MCF2L: variants seen among roughly 807,000 people sequenced by gnomAD.
MCF2L encodes the protein guanine nucleotide exchange factor DBS.
Under a neutral mutation model 153.4 loss-of-function variants are expected in MCF2L, and 97 were observed. That is an observed-to-expected ratio of 0.63 (90% CI 0.54 to 0.75). The LOEUF is 0.75. Ranked by LOEUF, MCF2L falls within the 30% of genes least tolerant of loss-of-function variation. The probability of loss-of-function intolerance (pLI) is 0.00; values close to 1 mark genes in which losing one functional copy is unlikely to be tolerated. For synonymous variants in MCF2L, 659 were observed against 632.2 expected (o/e 1.04, Z -0.64); for missense variants, 1,347 against 1,495.2 (o/e 0.90, Z 1.64).
chr13:113,078,777 C>A, intron 15 of MCF2L, 38 bp downstream of exon 15: 1 of 1,547,298 alleles, frequency 6.5e-7, no homozygotes, highest in Non-Finnish European at 8.7e-7. Flanking sequence ...AGGGGCCCTC[C>A]GACCGCAGCC....
intron 27 of MCF2L, 184 bp from the exon 28 acceptor site, chr13:113,096,187 G>C (rs2142149561): frequency 5.0e-6 from 3 of 605,310 alleles, no homozygotes; most frequent in Middle Eastern, 8.9e-4. Flanking sequence ...TTCCATCGCC[G>C]CTGCGGTAGT....
intron 8 of MCF2L, among the ~76,000 whole-genome samples, chr13:113,069,850 G>T (rs984044474): frequency 2.0e-5 from 3 of 152,226 alleles, no homozygotes; most frequent in Non-Finnish European, 4.4e-5. Context: ...AGCCCCTGAT[G>T]CTTTCTCCAG....
intron 1 of MCF2L, among the ~76,000 whole-genome samples, chr13:113,005,951 A>C (rs1173113752): frequency 6.6e-6 from 1 of 152,256 alleles, no homozygotes; most frequent in Non-Finnish European, 1.5e-5. Context: ...CACCCTGCAC[A>C]GTGAACAGAG....
intron 5 of MCF2L, among the ~76,000 whole-genome samples, chr13:113,063,599 CA>C (rs1471827243): frequency 6.6e-6 from 1 of 152,184 alleles, no homozygotes; most frequent in Non-Finnish European, 1.5e-5. Flanking sequence ...GACGGGACCA[CA>C]AAATGGGTCT....
chr13:113,074,429 C>T lies in MCF2L; in HGVS notation c.997-15C>T. ...AGGGAGACACCCCCCTGAGATGGGC[C>T]CTCCTCTGTTCCAGGTCAAAGCCAT... On this transcript the variant is annotated splice_polypyrimidine_tract_variant and intron_variant, in intron 9 of 29. Coordinates refer to ENST00000535094, the MANE Select transcript of MCF2L (RefSeq NM_001112732.3). This position sits in a 1 kb window ranked among gnomAD's most constrained non-coding sequence, Gnocchi z 4.2. 1 of 1,608,906 alleles carries T rather than the reference C, an allele frequency of 6.2e-7. No individual in the cohort carries two copies. The highest frequency in any genetic ancestry group is 8.5e-7 in the Non-Finnish European group (1 of 1,175,732).
chr13:112,992,248 A>T (rs1286136548), intron 1 of MCF2L, among the ~76,000 whole-genome samples: 1 of 152,248 alleles, frequency 6.6e-6, no homozygotes, highest in Non-Finnish European at 1.5e-5. Flanking sequence ...AAACTCTGAA[A>T]AAAATCCAAA....
intron 1 of MCF2L, among the ~76,000 whole-genome samples, chr13:113,010,547 A>G (rs1369762097): frequency 1.3e-5 from 2 of 152,090 alleles, no homozygotes; most frequent in Admixed American, 6.5e-5. Flanking sequence ...GCCAGAAGAG[A>G]TTGGCCCTCC....
At chr13:112,952,507 T>A (rs1308851049) in intron 2 of MCF2L, among the ~76,000 whole-genome samples, 1 of 152,250 alleles carries the variant, frequency 6.6e-6, no homozygotes, top group Non-Finnish European at 1.5e-5. Context: ...CACAGACCAG[T>A]CACCGGATCC....
At chr13:113,073,186 T>A (rs2033095814) in intron 9 of MCF2L, among the ~76,000 whole-genome samples, 1 of 152,230 alleles carries the variant, frequency 6.6e-6, no homozygotes. Context: ...GAACATACTC[T>A]GTATGATTTC....
chr13:112,994,455 G>T (rs79615369), intron 1 of MCF2L, among the ~76,000 whole-genome samples: 1 of 152,258 alleles, frequency 6.6e-6, no homozygotes, highest in Non-Finnish European at 1.5e-5. Flanking sequence ...GAGGCTGTCG[G>T]TGGGGCAGTT....
intron 9 of MCF2L, among the ~76,000 whole-genome samples, chr13:113,073,267 C>G (rs575241634): frequency 2.2e-4 from 33 of 152,186 alleles, no homozygotes; most frequent in Non-Finnish European, 4.0e-4. Flanking sequence ...ATGTTCCTCA[C>G]TTGAAAAGAA....
At chr13:112,985,271 C>A in intron 1 of MCF2L, 1 of 392,586 alleles carries the variant, frequency 2.5e-6, no homozygotes, top group Non-Finnish European at 5.3e-6. Context: ...GCCAGCTGGT[C>A]CCTCATGCAG....
chr13:112,895,573 C>T (rs1241520523), intron 1 of MCF2L, among the ~76,000 whole-genome samples: 1 of 152,052 alleles, frequency 6.6e-6, no homozygotes, highest in Non-Finnish European at 1.5e-5. Context: ...CAGGGCTGGT[C>T]GTGAGAACGG....
Position 112,998,005 on chromosome 13 carries a change from CGTG to C in MCF2L, c.80-16757_80-16755del, listed in dbSNP as rs562891296. ...GCCGGTGCGTCGGCTCTGTGCCCTG[CGTG>C]AGCCCATGTGTGCGGGGCCTTTGTG... On this transcript the variant is annotated intron_variant, in intron 1 of 29. Coordinates refer to ENST00000535094, the MANE Select transcript of MCF2L (RefSeq NM_001112732.3). Among the ~76,000 whole-genome samples the C allele has an allele frequency of 4.3e-3, 656 of 152,302 alleles. 6 individuals carry two copies. The highest frequency in any genetic ancestry group is 0.015 in the African/African-American group (603 of 41,558).
At chr13:112,917,123 G>A (rs746643294) in intron 2 of MCF2L, 17 of 471,082 alleles carry the variant, frequency 3.6e-5, no homozygotes, top group South Asian at 2.5e-4. Flanking sequence ...GCCCCTCGGC[G>A]ATCTCAGTCC....
intron 2 of MCF2L, among the ~76,000 whole-genome samples, chr13:112,913,203 ATCTC>A (rs547131810): frequency 1.6e-5 from 2 of 122,794 alleles, no homozygotes; most frequent in South Asian, 2.6e-4. Context: ...TGTCTGGTGT[ATCTC>A]TGTATGTATG....
chr13:113,073,105 G>C (rs1334248179), intron 9 of MCF2L, among the ~76,000 whole-genome samples: 1 of 148,846 alleles, frequency 6.7e-6, no homozygotes, highest in Non-Finnish European at 1.5e-5. Flanking sequence ...ATGTTGTTTG[G>C]CTTCCAGTGT....
chr13:113,077,221 GC>G lies in MCF2L; in HGVS notation c.1660+12del. On this transcript the variant is annotated intron_variant, in intron 13 of 29. Transcript: ENST00000535094. Reference sequence around the variant, plus strand: ...CCCTGCCCCTCCCCAGGTCTGTGTGGCCGCCCGGTGCCCCGGGTGCTGTGGG... The same window carrying G: ...CCCTGCCCCTCCCCAGGTCTGTGTGGCGCCCGGTGCCCCGGGTGCTGTGGG... 1.3e-6 allele frequency: 2 copies of G among 1,540,086 alleles called. No individual in the cohort carries two copies. The highest frequency in any genetic ancestry group is 8.8e-7 in the Non-Finnish European group (1 of 1,139,112).
chr13:113,049,073 G>T (rs1594826735), intron 4 of MCF2L, among the ~76,000 whole-genome samples: 1 of 151,218 alleles, frequency 6.6e-6, no homozygotes, highest in Admixed American at 6.6e-5. Context: ...GTTTGGTGCA[G>T]GAGGGGCATG....
Sources: allele counts gnomAD v4.1 joint callset (sites outside exome capture counted in the v4.1 genomes callset), GRCh38; gene constraint gnomAD v4.1.1; non-coding constraint Gnocchi (gnomAD v3.1); transcripts MANE v1.5; gene names NCBI Gene and HGNC (gene_info 2026-07-23, HGNC 2026-07-21).